The following VWDE variants were observed in gnomAD, a reference collection of about 807,000 sequenced individuals.
The protein encoded by VWDE is von Willebrand factor D and EGF domain-containing protein.
In VWDE, 207 loss-of-function variants were observed where a neutral mutation model predicts 178.4. The observed-to-expected ratio is 1.16, with a 90% CI of 1.04 to 1.30. The LOEUF is 1.30. Among genes scored for constraint, VWDE ranks in the 50% most tolerant of loss-of-function variants. VWDE has a pLI of 0.00. For missense variants in VWDE, 2,287 were observed against 1,901.3 expected (o/e 1.20, Z -3.77); for synonymous variants, 738 against 651.4 (o/e 1.13, Z -2.02).
chr7:12,380,161 T>C lies in VWDE; in HGVS notation c.789+325A>G, dbSNP rs370479623. Among the ~76,000 whole-genome samples, 20 of 151,768 alleles carry C rather than the reference T, an allele frequency of 1.3e-4. No individual in the cohort carries two copies. The East Asian group carries it at 3.5e-3, about 26-fold the overall frequency. On this transcript the variant is annotated intron_variant, in intron 5 of 28. Coordinates refer to ENST00000275358, the MANE Select transcript of VWDE (RefSeq NM_001135924.3). The stretch of plus-strand genomic sequence containing the variant: ...CGTCATTTAAAAAATTAAAACATTT[T>C]TTCTAGAATAAACGTATATAATTTT...
intron 6 of VWDE, among the ~76,000 whole-genome samples, chr7:12,379,208 T>C (rs1783698617): frequency 6.6e-6 from 1 of 152,240 alleles, no homozygotes; most frequent in Non-Finnish European, 1.5e-5. Flanking sequence ...CACGATGGAA[T>C]GAATTAGAGG....
intron 1 of VWDE, among the ~76,000 whole-genome samples, chr7:12,394,744 G>T (rs1263032210): frequency 6.6e-6 from 1 of 152,010 alleles, no homozygotes. Context: ...GGAAAACACT[G>T]TAATAAAGAT....
At position 12,361,188 on chromosome 7, in the gene VWDE, G is replaced by A. The variant is rs752072275; in HGVS notation, c.3118C>T (p.Gln1040Ter). 2.8e-5 allele frequency: 43 copies of A among 1,546,652 alleles called. No individual in the cohort carries two copies. Among genetic ancestry groups the A allele is most frequent in the Non-Finnish European group, 3.5e-5 (40 of 1,143,138 alleles). Reference protein sequence around the residue: ...KITVIYDGACQVCGLYKNDSC... With the variant: ...KITVIYDGAC ...TCATTTTTATAGAGACCACAAACTT[G>A]GCAAGCACCATCATATATGACCGTT... Residue 1040 changes from glutamine (Q) to a stop codon, truncating the protein, a stop_gained, in exon 15 of 29, where the codon CAA (glutamine) becomes TAA (stop). Coordinates refer to ENST00000275358, the MANE Select transcript of VWDE (RefSeq NM_001135924.3). LOFTEE classifies it high-confidence loss of function.
At chr7:12,363,848 TA>T (rs1782711407) in intron 13 of VWDE, among the ~76,000 whole-genome samples, 2 of 152,120 alleles carry the variant, frequency 1.3e-5, no homozygotes, top group Middle Eastern at 6.8e-3. Flanking sequence ...GGAAGACAAA[TA>T]TTTTTAAAAC....
At position 12,375,193 on chromosome 7, in the gene VWDE, A is replaced by T. The variant is rs913665088; in HGVS notation, c.1059T>A (p.Ser353=). ...REHLGLNLAL[S]SCHVDLLQTS... ...TCTGGAGAAGGTCCACATGACAGGA[A>T]GACAGTGCCAAATTTAAGCCTAGGT... is the stretch of plus-strand genomic sequence containing the variant. Residue 353 remains serine, a synonymous_variant, in exon 8 of 29, where the codon TCT becomes TCA. Coordinates refer to ENST00000275358, the MANE Select transcript of VWDE (RefSeq NM_001135924.3). The T allele has an allele frequency of 7.7e-6, 12 of 1,551,104 alleles. No individual in the cohort carries two copies. The highest frequency in any genetic ancestry group is 1.0e-5 in the Non-Finnish European group (12 of 1,146,532).
chr7:12,402,605 A>G (rs1784955813), intron 1 of VWDE, among the ~76,000 whole-genome samples: 3 of 152,224 alleles, frequency 2.0e-5, no homozygotes, highest in Non-Finnish European at 4.4e-5. Flanking sequence ...ATATTTATCT[A>G]ACTGTAATGA....
chr7:12,352,591 A>G (rs184957947), intron 18 of VWDE, among the ~76,000 whole-genome samples: 28 of 152,314 alleles, frequency 1.8e-4, no homozygotes, highest in African/African-American at 6.5e-4. Context: ...AAACGGCTAG[A>G]TCACTTATTA....
intron 24 of VWDE, among the ~76,000 whole-genome samples, chr7:12,339,660 G>T (rs113037855): frequency 1.3e-5 from 2 of 152,068 alleles, no homozygotes; most frequent in African/African-American, 4.8e-5. Flanking sequence ...GAAATACTCT[G>T]ACATGTTCTA....
intron 6 of VWDE, 31 bp downstream of exon 6, chr7:12,379,446 A>G: frequency 1.4e-6 from 2 of 1,463,474 alleles, no homozygotes; most frequent in Non-Finnish European, 1.9e-6. Flanking sequence ...CAGAGGAATA[A>G]TCTTTCTGAT....
intron 19 of VWDE, among the ~76,000 whole-genome samples, chr7:12,348,085 G>A (rs1294636487): frequency 5.3e-5 from 8 of 152,034 alleles, no homozygotes; most frequent in Admixed American, 1.3e-4. Context: ...AAGATGGATT[G>A]AAGACTTAAA....
intron 10 of VWDE, among the ~76,000 whole-genome samples, chr7:12,371,596 T>C (rs1236028815): frequency 6.6e-6 from 1 of 152,156 alleles, no homozygotes; most frequent in East Asian, 1.9e-4. Context: ...AATAACTCTT[T>C]TTTTCTCTTT....
chr7:12,367,518 A>G, intron 12 of VWDE, 25 bp from the exon 13 acceptor site: 1 of 1,451,356 alleles, frequency 6.9e-7, no homozygotes, highest in Non-Finnish European at 9.1e-7. Context: ...TATAACAAAT[A>G]CTACATATTT....
At chr7:12,355,253 A>G (rs565570055) in intron 18 of VWDE, among the ~76,000 whole-genome samples, 4 of 152,178 alleles carry the variant, frequency 2.6e-5, no homozygotes, top group African/African-American at 9.6e-5. Flanking sequence ...CATCTCTACT[A>G]AAAATACAAA....
chr7:12,391,816 G>T (rs1784403663), intron 2 of VWDE, among the ~76,000 whole-genome samples: 1 of 152,080 alleles, frequency 6.6e-6, no homozygotes, highest in African/African-American at 2.4e-5. Context: ...ATAACAATAA[G>T]GAAAACAAGC....
Position 12,351,690 on chromosome 7 carries a change from A to G in VWDE, c.3769T>C (p.Phe1257Leu). The G allele has an allele frequency of 6.5e-7, 1 of 1,547,226 alleles. No individual in the cohort carries two copies. Among genetic ancestry groups the G allele is most frequent in the Non-Finnish European group, 8.7e-7 (1 of 1,145,472 alleles). ...LKVETQFVNQ[F>L]TTQTVVLTRS... ...GTGAGAACCACAGTTTGTGTAGTAA[A>G]TTGATTTACAAACTGTGTTTCAACT... is the stretch of plus-strand genomic sequence containing the variant. Residue 1257 changes from phenylalanine (F) to leucine (L), a missense_variant, in exon 19 of 29, where the codon TTT becomes CTT. Coordinates refer to ENST00000275358, the MANE Select transcript of VWDE (RefSeq NM_001135924.3).
At chr7:12,390,690 A>C (rs1784344511) in intron 2 of VWDE, among the ~76,000 whole-genome samples, 1 of 151,954 alleles carries the variant, frequency 6.6e-6, no homozygotes, top group Non-Finnish European at 1.5e-5. Flanking sequence ...TAAGACTACA[A>C]ATGGGCAAAA....
chr7:12,379,139 C>T (rs1479321405), intron 6 of VWDE, among the ~76,000 whole-genome samples: 1 of 152,142 alleles, frequency 6.6e-6, no homozygotes, highest in East Asian at 1.9e-4. Context: ...TACTACTTGG[C>T]CTGGTATCTG....
chr7:12,378,740 T>C (rs916683806), intron 6 of VWDE, among the ~76,000 whole-genome samples: 4 of 152,162 alleles, frequency 2.6e-5, no homozygotes, highest in Non-Finnish European at 5.9e-5. Context: ...GGTCCACTCT[T>C]CTCACTTCTT....
intron 12 of VWDE, 72 bp from the exon 13 acceptor site, chr7:12,367,565 GC>G: frequency 7.9e-7 from 1 of 1,258,008 alleles, no homozygotes; most frequent in South Asian, 1.8e-5. Context: ...TTATTTCCAA[GC>G]CCCAAATTAA....
Sources: gnomAD v4.1 joint callset for allele counts (sites outside exome capture counted in the v4.1 genomes callset) on GRCh38, gnomAD v4.1.1 for gene constraint, MANE v1.5 for transcripts, NCBI Gene and HGNC (gene_info 2026-07-23, HGNC 2026-07-21) for gene names.